TRPV4: variants seen among roughly 807,000 people sequenced by gnomAD.
TRPV4 encodes OSM9-like transient receptor potential channel 4.
TRPV4 carries 58 observed loss-of-function variants against 84.1 expected under a neutral mutation model. The observed-to-expected ratio is 0.69, with a 90% CI of 0.56 to 0.86. The LOEUF (loss-of-function observed/expected upper bound fraction) is 0.86. Among genes scored for constraint, TRPV4 ranks in the 40% least tolerant of loss-of-function variants. The pLI is 0.00. For missense variants in TRPV4, 879 were observed against 1,181.1 expected (o/e 0.74, Z 3.75); for synonymous variants, 489 against 500.9 (o/e 0.98, Z 0.32).
Position 109,814,803 on chromosome 12 carries a change from C to G in TRPV4, c.-7G>C. ...CTTCGCTGGAATCCGCCATGCCTGC[C>G]CCAGGCCCGTCTGCACTGCTCAGCC... is the stretch of plus-strand genomic sequence containing the variant. On this transcript the variant is annotated 5_prime_UTR_variant, in exon 2 of 16. Transcript: ENST00000261740. This position sits in a 1 kb window ranked among gnomAD's most constrained non-coding sequence, Gnocchi z 5.4. 6.5e-7 allele frequency: 1 copy of G among 1,538,720 alleles called. No homozygotes were observed. The highest frequency in any genetic ancestry group is 8.7e-7 in the Non-Finnish European group (1 of 1,147,016).
intron 5 of TRPV4, among the ~76,000 whole-genome samples, chr12:109,799,973 C>T (rs1890671566): frequency 6.6e-6 from 1 of 151,958 alleles, no homozygotes; most frequent in African/African-American, 2.4e-5. Flanking sequence ...GACAGAGTCT[C>T]ACTCTGTCAC....
chr12:109,825,155 A>T (rs1163069953), intron 1 of TRPV4, among the ~76,000 whole-genome samples: 3 of 152,194 alleles, frequency 2.0e-5, no homozygotes, highest in African/African-American at 7.2e-5. Flanking sequence ...CAGCCTGGGC[A>T]AAATGGTGAG....
At position 109,798,201 on chromosome 12, in the gene TRPV4, C is replaced by T. The variant is rs1433150710; in HGVS notation, c.1152+413G>A. Among the ~76,000 whole-genome samples the T allele has an allele frequency of 6.6e-6, 1 of 152,176 alleles. No individual in the cohort carries two copies. The highest frequency in any genetic ancestry group is 1.5e-5 in the Non-Finnish European group (1 of 68,046). ...GTCCCCACCACAAAGAGCCTGCCGCCCAAAATAATCATGCTGAAGTTGAGA... is the reference window on the plus strand; with the variant it reads ...GTCCCCACCACAAAGAGCCTGCCGCTCAAAATAATCATGCTGAAGTTGAGA... On this transcript the variant is annotated intron_variant, in intron 6 of 15. Transcript: ENST00000261740. The surrounding 1 kb of genome is among the most constrained non-coding windows in gnomAD (Gnocchi z 5.0).
chr12:109,825,387 C>T (rs1827199890), intron 1 of TRPV4, among the ~76,000 whole-genome samples: 2 of 152,048 alleles, frequency 1.3e-5, no homozygotes, highest in South Asian at 4.1e-4. Flanking sequence ...GCAAATACAG[C>T]TTAACCCCAC....
intron 4 of TRPV4, among the ~76,000 whole-genome samples, chr12:109,802,135 T>G (rs1890824006): frequency 6.6e-6 from 1 of 150,874 alleles, no homozygotes; most frequent in South Asian, 2.1e-4. Flanking sequence ...GGAATCTTTT[T>G]TTTTTTTTTT....
rs554188311 is a variant in TRPV4, at chr12:109,809,333, C to T, written c.387-865G>A. On this transcript the variant is annotated intron_variant, in intron 2 of 15. Transcript: ENST00000261740. ...TCCATCCATCCCTCATCCATACATC[C>T]ACCCACCCAGCATCCACCCATCCAC... Among the ~76,000 whole-genome samples, 232 of 149,496 alleles carry T rather than the reference C, an allele frequency of 1.6e-3. 3 individuals carry two copies. The highest frequency in any genetic ancestry group is 5.7e-3 in the African/African-American group (230 of 40,464).
At chr12:109,826,898 C>T (rs750208537) in intron 1 of TRPV4, among the ~76,000 whole-genome samples, 7 of 152,294 alleles carry the variant, frequency 4.6e-5, no homozygotes, top group Middle Eastern at 3.4e-3. Flanking sequence ...CAAAGCACTG[C>T]GTGTGGAATG....
chr12:109,814,079 A>C lies in TRPV4; in HGVS notation c.386+332T>G, dbSNP rs574372087. 6.7e-6 allele frequency among the ~76,000 whole-genome samples: 1 copy of C among 149,498 alleles called. No homozygotes were observed. Among genetic ancestry groups the C allele is most frequent in the Non-Finnish European group, 1.5e-5 (1 of 67,696 alleles). On this transcript the variant is annotated intron_variant, in intron 2 of 15. Transcript: ENST00000261740. This position sits in a 1 kb window ranked among gnomAD's most constrained non-coding sequence, Gnocchi z 5.4. ...TGATATATGGATGGATGATATATGGATGGAGAGATGAATGGATCGATGGAT... is the reference window on the plus strand; with the variant it reads ...TGATATATGGATGGATGATATATGGCTGGAGAGATGAATGGATCGATGGAT...
At chr12:109,789,856 T>C (rs531975426) in intron 12 of TRPV4, among the ~76,000 whole-genome samples, 1 of 152,358 alleles carries the variant, frequency 6.6e-6, no homozygotes, top group South Asian at 2.1e-4. Flanking sequence ...CCATTAGTGA[T>C]GTCTGCTATG....
Position 109,798,254 on chromosome 12 carries a change from G to T in TRPV4, c.1152+360C>A, listed in dbSNP as rs550669166. 6.6e-6 allele frequency among the ~76,000 whole-genome samples: 1 copy of T among 152,164 alleles called. No homozygotes were observed. Among genetic ancestry groups the T allele is most frequent in the Non-Finnish European group, 1.5e-5 (1 of 68,036 alleles). On this transcript the variant is annotated intron_variant, in intron 6 of 15. Transcript: ENST00000261740. This position sits in a 1 kb window ranked among gnomAD's most constrained non-coding sequence, Gnocchi z 5.0. ...CCCTTCTCCAGGCCCCATGCTGCGC[G>T]GCCCAGAAAAGGGAAGGAACTGGGG...
chr12:109,811,721 C>T (rs751034405), intron 2 of TRPV4, among the ~76,000 whole-genome samples: 9 of 150,748 alleles, frequency 6.0e-5, no homozygotes, highest in South Asian at 2.1e-4. Flanking sequence ...ATAAAGGGGG[C>T]GGCTCTTGAC....
At chr12:109,797,499 G>A (rs1890479121) in intron 6 of TRPV4, among the ~76,000 whole-genome samples, 1 of 151,924 alleles carries the variant, frequency 6.6e-6, no homozygotes, top group African/African-American at 2.4e-5. Flanking sequence ...TGTTGCCCAG[G>A]CTGGAGTGCA....
chr12:109,783,520 G>A lies in TRPV4; in HGVS notation c.*101C>T. 6.7e-7 allele frequency: 1 copy of A among 1,486,942 alleles called. No individual in the cohort carries two copies. Among genetic ancestry groups the A allele is most frequent in the Non-Finnish European group, 9.1e-7 (1 of 1,103,686 alleles). The allele number at this position is 1,486,942 out of a possible 1,614,324, so 92.1% of individuals were successfully genotyped here. On this transcript the variant is annotated 3_prime_UTR_variant, in exon 16 of 16. Coordinates refer to ENST00000261740, the MANE Select transcript of TRPV4 (RefSeq NM_021625.5). This position sits in a 1 kb window ranked among gnomAD's most constrained non-coding sequence, Gnocchi z 4.6. ...GCACCTCCACTGGTCCCTCGCCTCT[G>A]GGGCCAAAGCAGGGTGTGGGGGGAC...
intron 5 of TRPV4, among the ~76,000 whole-genome samples, chr12:109,799,179 G>A (rs569996956): frequency 5.9e-4 from 86 of 146,716 alleles, no homozygotes; most frequent in Non-Finnish European, 1.1e-3. Flanking sequence ...TTGAGACAAA[G>A]TCTCACTCTG....
At chr12:109,801,441 G>A (rs1268550522) in intron 4 of TRPV4, among the ~76,000 whole-genome samples, 1 of 152,104 alleles carries the variant, frequency 6.6e-6, no homozygotes, top group Non-Finnish European at 1.5e-5. Context: ...TCTATAAGGG[G>A]CTTTTCCCCC....
Position 109,793,444 on chromosome 12 carries a change from C to T in TRPV4, c.1658+83G>A. On this transcript the variant is annotated intron_variant, in intron 10 of 15. Coordinates refer to ENST00000261740, the MANE Select transcript of TRPV4 (RefSeq NM_021625.5). This position sits in a 1 kb window ranked among gnomAD's most constrained non-coding sequence, Gnocchi z 4.0. ...GGTGCATTCATTTCTAACAGAATCA[C>T]CTCTCTCCTGAATCTGGACGACCTA... The T allele has an allele frequency of 8.3e-7, 1 of 1,207,760 alleles. No individual in the cohort carries two copies. Among genetic ancestry groups the T allele is most frequent in the Non-Finnish European group, 1.2e-6 (1 of 811,606 alleles). The allele number at this position is 1,207,760 out of a possible 1,614,324, so 74.8% of individuals were successfully genotyped here.
chr12:109,828,304 C>A (rs998266518), intron 1 of TRPV4, among the ~76,000 whole-genome samples: 1 of 152,132 alleles, frequency 6.6e-6, no homozygotes, highest in African/African-American at 2.4e-5. Context: ...AGTGATGTAA[C>A]CTCCTTGGGG....
At chr12:109,808,554 G>C in intron 2 of TRPV4, 86 bp from the exon 3 acceptor site, 3 of 1,391,196 alleles carry the variant, frequency 2.2e-6, no homozygotes, top group Non-Finnish European at 2.9e-6. Context: ...CAGAGACTGT[G>C]GTGGCGGGCA....
chr12:109,784,947 T>G (rs956595475), intron 14 of TRPV4, among the ~76,000 whole-genome samples: 1 of 151,634 alleles, frequency 6.6e-6, no homozygotes, highest in Middle Eastern at 3.2e-3. Flanking sequence ...TCAGTGGCAT[T>G]AAGCACATCC....
Sources: allele counts gnomAD v4.1 joint callset (sites outside exome capture counted in the v4.1 genomes callset), GRCh38; gene constraint gnomAD v4.1.1; non-coding constraint Gnocchi (gnomAD v3.1); transcripts MANE v1.5; gene names NCBI Gene and HGNC (gene_info 2026-07-23, HGNC 2026-07-21).